SAMD5: variants seen among roughly 807,000 people sequenced by gnomAD.
SAMD5 encodes the protein sterile alpha motif domain-containing protein 5.
In SAMD5, 13 loss-of-function variants were observed where a neutral mutation model predicts 11.3. The observed-to-expected ratio is 1.15, with a 90% CI of 0.75 to 1.83. SAMD5 has a LOEUF of 1.83. Among genes scored for constraint, SAMD5 ranks in the 40% most tolerant of loss-of-function variants. The pLI, the probability that SAMD5 is intolerant of heterozygous loss-of-function variation, is 0.00. For synonymous variants in SAMD5, 129 were observed against 111.3 expected (o/e 1.16, Z -1.00); for missense variants, 255 against 239.1 (o/e 1.07, Z -0.44).
At chr6:147,730,010 G>A (rs13437357) in intron 1 of SAMD5, 12,802 of 413,364 alleles carry the variant, frequency 0.031, 299 homozygotes, top group South Asian at 0.053. Context: ...GCTTGAACCC[G>A]GGAGGTGGAT....
At chr6:147,664,733 A>C (rs1318216734) in intron 1 of SAMD5, among the ~76,000 whole-genome samples, 2 of 152,194 alleles carry the variant, frequency 1.3e-5, no homozygotes, top group Non-Finnish European at 2.9e-5. Context: ...AATTGAATAT[A>C]TATTTATAAT....
the SAMD5 span, among the ~76,000 whole-genome samples, chr6:147,837,944 CA>C: frequency 4.5e-4 from 68 of 152,188 alleles, no homozygotes; most frequent in Non-Finnish European, 7.6e-4. Context: ...CATGCCTCCA[CA>C]GTGATTTAGC....
chr6:147,880,374 G>C, the SAMD5 span, among the ~76,000 whole-genome samples: 44 of 151,512 alleles, frequency 2.9e-4, no homozygotes, highest in African/African-American at 1.0e-3. Flanking sequence ...CACACACACA[G>C]AGACACATAC....
chr6:147,549,762 C>G (rs1363525079), intron 1 of SAMD5, among the ~76,000 whole-genome samples: 1 of 151,918 alleles, frequency 6.6e-6, no homozygotes, highest in Non-Finnish European at 1.5e-5. Context: ...ATTGAACCAA[C>G]TTGAACATTA....
chr6:147,767,974 G>T, the SAMD5 span, among the ~76,000 whole-genome samples: 1 of 152,194 alleles, frequency 6.6e-6, no homozygotes, highest in Non-Finnish European at 1.5e-5. Flanking sequence ...AGGAAGGTGG[G>T]CATAGTGGAC....
At chr6:147,616,454 A>G (rs1789875048) in intron 1 of SAMD5, among the ~76,000 whole-genome samples, 1 of 151,810 alleles carries the variant, frequency 6.6e-6, no homozygotes, top group African/African-American at 2.4e-5. Flanking sequence ...ATGACCTGCC[A>G]TTAGTCTGCA....
At chr6:147,626,200 C>T (rs1403800805) in intron 1 of SAMD5, among the ~76,000 whole-genome samples, 1 of 151,966 alleles carries the variant, frequency 6.6e-6, no homozygotes, top group Non-Finnish European at 1.5e-5. Context: ...TGTCATTGGC[C>T]CTTACATTCC....
chr6:147,851,092 G>A, the SAMD5 span, among the ~76,000 whole-genome samples: 35 of 151,774 alleles, frequency 2.3e-4, no homozygotes, highest in East Asian at 1.2e-3. Context: ...GATTACAGGC[G>A]CCCATTGTGC....
chr6:147,621,568 T>G (rs1789968307), intron 1 of SAMD5, among the ~76,000 whole-genome samples: 2 of 152,202 alleles, frequency 1.3e-5, no homozygotes, highest in South Asian at 4.1e-4. Context: ...CCTGAGCCTG[T>G]CAAGGCCATT....
intron 1 of SAMD5, among the ~76,000 whole-genome samples, chr6:147,736,032 T>C (rs1338141162): frequency 6.6e-6 from 1 of 152,204 alleles, no homozygotes; most frequent in South Asian, 2.1e-4. Flanking sequence ...AGATCATGTG[T>C]ATTAAGGTCC....
chr6:147,612,364 A>G (rs1442587282), intron 1 of SAMD5, among the ~76,000 whole-genome samples: 2 of 152,212 alleles, frequency 1.3e-5, no homozygotes, highest in African/African-American at 4.8e-5. Context: ...ATATTTTTTA[A>G]TTAAGACTTT....
At chr6:147,714,265 C>T (rs540650711) in intron 1 of SAMD5, among the ~76,000 whole-genome samples, 2 of 152,292 alleles carry the variant, frequency 1.3e-5, no homozygotes, top group African/African-American at 4.8e-5. Flanking sequence ...TGGCTGGCAA[C>T]ACTGGGCTTC....
At chr6:147,700,329 G>T (rs1473418622) in intron 1 of SAMD5, among the ~76,000 whole-genome samples, 1 of 152,178 alleles carries the variant, frequency 6.6e-6, no homozygotes, top group Non-Finnish European at 1.5e-5. Context: ...CTGAGGCTTT[G>T]TGTTATTAGA....
chr6:147,722,600 T>C lies in SAMD5; in HGVS notation c.163-14717T>C, dbSNP rs534066402. Among the ~76,000 whole-genome samples, 28 of 152,346 alleles carry C rather than the reference T, an allele frequency of 1.8e-4. No individual in the cohort carries two copies. The South Asian group carries it at 5.8e-3, about 32-fold the overall frequency. ...TTAATATTTCTAATACACTTTGAAA[T>C]ATTCCTAATACAGCTCTTTATTATA... On this transcript the variant is annotated intron_variant, in intron 1 of 1. Coordinates refer to the SAMD5 transcript ENST00000566741.
At chr6:147,579,011 A>G (rs545654176) in intron 1 of SAMD5, among the ~76,000 whole-genome samples, 1 of 152,368 alleles carries the variant, frequency 6.6e-6, no homozygotes, top group South Asian at 2.1e-4. Flanking sequence ...TAATTCATTT[A>G]CATATTTGAC....
chr6:147,519,175 A>G (rs1249447079), intron 1 of SAMD5, among the ~76,000 whole-genome samples: 2 of 152,236 alleles, frequency 1.3e-5, no homozygotes, highest in African/African-American at 4.8e-5. Context: ...TGTAATGCAC[A>G]GATTTGACAA....
the SAMD5 span, among the ~76,000 whole-genome samples, chr6:147,810,465 A>T: frequency 1.3e-5 from 2 of 152,138 alleles, no homozygotes; most frequent in Non-Finnish European, 2.9e-5. Context: ...GAGGCAGCAC[A>T]ATTGTGAGCT....
intron 1 of SAMD5, among the ~76,000 whole-genome samples, chr6:147,579,287 T>C (rs1250305507): frequency 1.3e-5 from 2 of 152,120 alleles, no homozygotes; most frequent in East Asian, 3.9e-4. Flanking sequence ...TGTATATAAC[T>C]GAGATGAACA....
At position 147,508,950 on chromosome 6, in the gene SAMD5, G is replaced by C. The variant is rs758869388; in HGVS notation, c.22G>C (p.Glu8Gln). Reference sequence around the variant, plus strand: ...CACCATGTGCACCAACATAGTTTACGAGTGGCTCAAAGCGCTGCAGCTTCC... The same window carrying C: ...CACCATGTGCACCAACATAGTTTACCAGTGGCTCAAAGCGCTGCAGCTTCC... MCTNIVY[E>Q]WLKALQLPQY... Residue 8 changes from glutamate (E) to glutamine (Q), a missense_variant, in exon 1 of 2, where the codon GAG becomes CAG. Physicochemically the swap from Glu to Gln is conservative, Grantham distance 29 (BLOSUM62 2). Transcript: ENST00000367474. The C allele has an allele frequency of 7.5e-6, 12 of 1,599,002 alleles. No individual in the cohort carries two copies. The highest frequency in any genetic ancestry group is 1.0e-5 in the Non-Finnish European group (12 of 1,173,316).
Sources: gnomAD v4.1 joint callset for allele counts (sites outside exome capture counted in the v4.1 genomes callset) on GRCh38, gnomAD v4.1.1 for gene constraint, MANE v1.5 for transcripts, NCBI Gene and HGNC (gene_info 2026-07-23, HGNC 2026-07-21) for gene names.